Variants in SESTD1 observed in about 807,000 individuals in gnomAD.
SESTD1 encodes the protein SEC14 domain and spectrin repeat-containing protein 1.
A neutral mutation model predicts 101.7 loss-of-function variants in SESTD1; 43 were observed. The observed-to-expected ratio is 0.42, with a 90% CI of 0.33 to 0.55. The LOEUF is 0.55. Among genes scored for constraint, SESTD1 ranks in the 20% least tolerant of loss-of-function variants. The pLI is 0.07. For synonymous variants in SESTD1, 283 were observed against 286.8 expected (o/e 0.99, Z 0.13); for missense variants, 647 against 815.1 (o/e 0.79, Z 2.51).
At chr2:179,196,808 A>G (rs1156888039) in intron 1 of SESTD1, among the ~76,000 whole-genome samples, 1 of 152,242 alleles carries the variant, frequency 6.6e-6, no homozygotes, top group Non-Finnish European at 1.5e-5. Flanking sequence ...ACCCATCTGT[A>G]CATCACCATC....
chr2:179,181,151 T>G (rs1289285554), intron 3 of SESTD1, among the ~76,000 whole-genome samples: 1 of 152,218 alleles, frequency 6.6e-6, no homozygotes, highest in South Asian at 2.1e-4. Flanking sequence ...AAAGAAAAAA[T>G]TTAAATAGTA....
chr2:179,143,158 C>G (rs2045316877), intron 9 of SESTD1, among the ~76,000 whole-genome samples: 2 of 151,744 alleles, frequency 1.3e-5, no homozygotes, highest in Non-Finnish European at 2.9e-5. Context: ...TATTTTCTAT[C>G]AATATTATAA....
intron 8 of SESTD1, among the ~76,000 whole-genome samples, chr2:179,144,459 T>A (rs1275631832): frequency 6.6e-6 from 1 of 152,088 alleles, no homozygotes; most frequent in Non-Finnish European, 1.5e-5. Flanking sequence ...GCAATGAATG[T>A]GACTCAATTA....
chr2:179,194,637 C>G (rs2046364153), intron 1 of SESTD1, among the ~76,000 whole-genome samples: 1 of 152,116 alleles, frequency 6.6e-6, no homozygotes. Flanking sequence ...TTACACTGAT[C>G]TTAGGTGGGG....
chr2:179,129,256 C>T (rs773283702), intron 10 of SESTD1, among the ~76,000 whole-genome samples: 3 of 152,172 alleles, frequency 2.0e-5, no homozygotes, highest in East Asian at 3.8e-4. Context: ...TTATGCTCCT[C>T]GATGTTCCTA....
chr2:179,106,973 A>G lies in SESTD1; in HGVS notation c.*2926T>C, dbSNP rs888454183. On this transcript the variant is annotated 3_prime_UTR_variant, in exon 18 of 18. Coordinates refer to ENST00000428443, the MANE Select transcript of SESTD1 (RefSeq NM_178123.5). ...AATCCTCAAACAAACAAAAAAACCC[A>G]AAAAAACCAAAACAAAATGAAACTA... 7.4e-6 allele frequency: 1 copy of G among 135,666 alleles called. No homozygotes were observed. Among genetic ancestry groups the G allele is most frequent in the East Asian group, 2.2e-4 (1 of 4,484 alleles). The allele number at this position is 135,666 out of a possible 1,614,324, so 8.4% of individuals were successfully genotyped here. A position where few individuals can be genotyped will look rare whatever the true frequency, so the allele number is the denominator to read the frequency against.
chr2:179,249,680 AGGC>A (rs2047286819), intron 1 of SESTD1, among the ~76,000 whole-genome samples: 1 of 152,194 alleles, frequency 6.6e-6, no homozygotes, highest in Admixed American at 6.5e-5. Flanking sequence ...TTACGTACAG[AGGC>A]AAAAAAAGAA....
rs1483083283 is a variant in SESTD1 at position 179,106,654 on chromosome 2, A to G, written c.*3245T>C. On this transcript the variant is annotated 3_prime_UTR_variant, in exon 18 of 18. Coordinates refer to ENST00000428443, the MANE Select transcript of SESTD1 (RefSeq NM_178123.5). ...AGCTAACACATGGGAGCAATAGCCA[A>G]TGTAAATTTGTATAAAGTGAGAAGT... 1 of 152,186 alleles carries G rather than the reference A, an allele frequency of 6.6e-6. No individual in the cohort carries two copies. The highest frequency in any genetic ancestry group is 1.5e-5 in the Non-Finnish European group (1 of 68,024). The allele number at this position is 152,186 out of a possible 1,614,324, so 9.4% of individuals were successfully genotyped here.
intron 8 of SESTD1, among the ~76,000 whole-genome samples, chr2:179,144,928 T>C (rs2045362123): frequency 6.6e-6 from 1 of 152,064 alleles, no homozygotes; most frequent in Admixed American, 6.6e-5. Context: ...GTTTTAAATC[T>C]AGAGCAGTAT....
chr2:179,174,266 T>G (rs908782221), intron 4 of SESTD1: 2 of 364,838 alleles, frequency 5.5e-6, no homozygotes, highest in Admixed American at 4.4e-5. Context: ...TGACTTCATA[T>G]GTAGAAACTG....
chr2:179,136,968 A>T (rs1268519075), intron 9 of SESTD1, among the ~76,000 whole-genome samples: 1 of 152,204 alleles, frequency 6.6e-6, no homozygotes, highest in Non-Finnish European at 1.5e-5. Flanking sequence ...ATGTAGACAC[A>T]GTAAATATGC....
chr2:179,121,681 G>T, intron 13 of SESTD1, 89 bp downstream of exon 13: 2 of 1,151,396 alleles, frequency 1.7e-6, no homozygotes, highest in Non-Finnish European at 1.2e-6. Context: ...AGTTAAGAAC[G>T]TTTTGTCTGT....
chr2:179,183,005 T>C, intron 3 of SESTD1, 75 bp downstream of exon 3: 5 of 1,013,274 alleles, frequency 4.9e-6, no homozygotes, highest in South Asian at 1.8e-5. Context: ...CAAAGTATAA[T>C]TCAACAATAG....
rs80116910 is a variant in SESTD1 at position 179,140,728 on chromosome 2, T to A, written c.849+2864A>T. ...CCTTTCATTCCTGAATTCACTCCAC[T>A]GTTGCTCTTGGCCTTGCCACTCCAT... On this transcript the variant is annotated intron_variant, in intron 9 of 17. Coordinates refer to ENST00000428443, the MANE Select transcript of SESTD1 (RefSeq NM_178123.5). Among the ~76,000 whole-genome samples the A allele has an allele frequency of 5.9e-5, 9 of 152,326 alleles. No homozygotes were observed. In the East Asian group the frequency reaches 7.7e-4, roughly 13 times the overall value.
chr2:179,213,080 C>A (rs1473408329), intron 1 of SESTD1, among the ~76,000 whole-genome samples: 1 of 134,642 alleles, frequency 7.4e-6, no homozygotes, highest in African/African-American at 2.9e-5. Context: ...AAAACCAGAT[C>A]ACCTCTTCTC....
chr2:179,181,580 C>T (rs762422612), intron 3 of SESTD1, among the ~76,000 whole-genome samples: 55 of 152,060 alleles, frequency 3.6e-4, no homozygotes, highest in Non-Finnish European at 5.3e-4. Context: ...TACAAAAAGG[C>T]TCTAAATTGG....
intron 14 of SESTD1, 110 bp from the exon 15 acceptor site, chr2:179,116,900 A>G (rs1553516356): frequency 1.4e-6 from 2 of 1,395,480 alleles, no homozygotes; most frequent in Non-Finnish European, 1.9e-6. Flanking sequence ...TCCGTTAATT[A>G]TAACCTAAAG....
chr2:179,240,865 G>A (rs536832977), intron 1 of SESTD1, among the ~76,000 whole-genome samples: 1 of 152,182 alleles, frequency 6.6e-6, no homozygotes, highest in South Asian at 2.1e-4. Context: ...TGTGTGAGTG[G>A]AGCCCAGTGG....
At chr2:179,226,020 G>GGTA (rs1351911452) in intron 1 of SESTD1, among the ~76,000 whole-genome samples, 1 of 151,976 alleles carries the variant, frequency 6.6e-6, no homozygotes, top group Non-Finnish European at 1.5e-5. Flanking sequence ...GGTAAACAGT[G>GGTA]GTACCTTTTA....
Sources: allele counts gnomAD v4.1 joint callset (sites outside exome capture counted in the v4.1 genomes callset), GRCh38; gene constraint gnomAD v4.1.1; transcripts MANE v1.5; gene names NCBI Gene and HGNC (gene_info 2026-07-23, HGNC 2026-07-21).